Variants in SHISA5 observed in about 807,000 individuals in gnomAD.
SHISA5 encodes the protein shisa family member 5.
SHISA5 carries 21 observed loss-of-function variants against 27.5 expected under a neutral mutation model. That is an observed-to-expected ratio of 0.76 (90% CI 0.54 to 1.10). The LOEUF (loss-of-function observed/expected upper bound fraction) is 1.10. Ranked by LOEUF, SHISA5 falls within the 50% of genes least tolerant of loss-of-function variation. The pLI, the probability that SHISA5 is intolerant of heterozygous loss-of-function variation, is 0.00. For synonymous variants in SHISA5, 137 were observed against 142.2 expected (o/e 0.96, Z 0.26); for missense variants, 314 against 336.3 (o/e 0.93, Z 0.52).
At chr3:48,484,404 T>C (rs1313606542) in intron 2 of SHISA5, among the ~76,000 whole-genome samples, 1 of 152,030 alleles carries the variant, frequency 6.6e-6, no homozygotes, top group Non-Finnish European at 1.5e-5. Context: ...GAGACCAGCC[T>C]GGCCAACATG....
At chr3:48,478,388 G>A (rs1166854571) in intron 3 of SHISA5, among the ~76,000 whole-genome samples, 1 of 152,160 alleles carries the variant, frequency 6.6e-6, no homozygotes, top group African/African-American at 2.4e-5. Flanking sequence ...CAGAGCCCAA[G>A]GTCTCTTCCT....
At position 48,469,439 on chromosome 3, in the gene SHISA5, C is replaced by G; in HGVS notation, c.565G>C (p.Ala189Pro). 1.2e-6 allele frequency: 2 copies of G among 1,613,294 alleles called. No homozygotes were observed. The highest frequency in any genetic ancestry group is 1.7e-6 in the Non-Finnish European group (2 of 1,179,650). Residue 189 changes from alanine to proline, a missense_variant, in exon 5 of 6, where the codon GCA becomes CCA. Ala to Pro is a conservative substitution (Grantham distance 27). Coordinates refer to ENST00000296444, the MANE Select transcript of SHISA5 (RefSeq NM_016479.6). The surrounding 1 kb of genome is among the most constrained non-coding windows in gnomAD (Gnocchi z 4.6). Reference protein sequence around the residue: ...TMPPQPGMPAAPYPMQYPPPY... With the variant: ...TMPPQPGMPAPPYPMQYPPPY... ...GGTGGGTACTGCATTGGGTAGGGTG[C>G]TGCTGGCATCCCTGGCTGAGGCGGC...
intron 2 of SHISA5, 148 bp from the exon 3 acceptor site, chr3:48,479,405 G>A (rs1408288099): frequency 1.5e-5 from 10 of 669,246 alleles, no homozygotes; most frequent in South Asian, 5.3e-5. Context: ...TGCCCACACC[G>A]GGATCTCATA....
intron 1 of SHISA5, 22 bp downstream of exon 1, chr3:48,503,997 G>T (rs750355350): frequency 9.6e-6 from 14 of 1,457,886 alleles, no homozygotes; most frequent in Non-Finnish European, 1.3e-5. Flanking sequence ...GGCAGGACGG[G>T]CCGCCCCCAC....
At chr3:48,483,599 T>C (rs1196862898) in intron 2 of SHISA5, among the ~76,000 whole-genome samples, 1 of 152,112 alleles carries the variant, frequency 6.6e-6, no homozygotes, top group Admixed American at 6.5e-5. Context: ...CAATGAGCTG[T>C]TCGGTACACC....
Position 48,468,163 on chromosome 3 carries a change from G to T in SHISA5, c.*944C>A. On this transcript the variant is annotated 3_prime_UTR_variant, in exon 6 of 6. Transcript: ENST00000296444. ...AGCAGGGACTCACAGTTGCCAGGTTGTCCATCTCTGAGCCAATTTCCCTCC... is the reference window on the plus strand; with the variant it reads ...AGCAGGGACTCACAGTTGCCAGGTTTTCCATCTCTGAGCCAATTTCCCTCC... The T allele has an allele frequency of 1.0e-6, 1 of 1,000,386 alleles. No homozygotes were observed. Among genetic ancestry groups the T allele is most frequent in the Non-Finnish European group, 1.2e-6 (1 of 837,784 alleles). 62.0% of individuals were successfully genotyped at this position (1,000,386 alleles called of 1,614,324 possible).
At position 48,474,098 on chromosome 3, in the gene SHISA5, A is replaced by AT. The variant is rs1006022370; in HGVS notation, c.315-4256dup. 1.8e-4 allele frequency among the ~76,000 whole-genome samples: 27 copies of AT among 150,950 alleles called. No homozygotes were observed. The East Asian group carries it at 5.1e-3, about 28-fold the overall frequency. On this transcript the variant is annotated intron_variant, in intron 3 of 5. Coordinates refer to ENST00000296444, the MANE Select transcript of SHISA5 (RefSeq NM_016479.6). ...CAATAAAGGAAATTTTATTATTATT[A>AT]TTTTTTTGAGGCAGGGTCTCACTCT... is the stretch of plus-strand genomic sequence containing the variant.
chr3:48,468,940 A>G lies in SHISA5; in HGVS notation c.*167T>C. Reference sequence around the variant, plus strand: ...AAGGATTGTTCCCCACCTTGTCAGCATCAGAGGAAGCCACATATACAGGCA... The same window carrying G: ...AAGGATTGTTCCCCACCTTGTCAGCGTCAGAGGAAGCCACATATACAGGCA... On this transcript the variant is annotated 3_prime_UTR_variant, in exon 6 of 6. Coordinates refer to ENST00000296444, the MANE Select transcript of SHISA5 (RefSeq NM_016479.6). 1.3e-6 allele frequency: 2 copies of G among 1,559,352 alleles called. No homozygotes were observed. Among genetic ancestry groups the G allele is most frequent in the South Asian group, 1.2e-5 (1 of 86,526 alleles).
chr3:48,497,803 T>C (rs2041603243), intron 2 of SHISA5, among the ~76,000 whole-genome samples: 1 of 151,376 alleles, frequency 6.6e-6, no homozygotes, highest in Non-Finnish European at 1.5e-5. Context: ...TAGGAGGATA[T>C]GCTTCAGCCC....
At chr3:48,476,341 CAAAA>C (rs1250491645) in intron 3 of SHISA5, among the ~76,000 whole-genome samples, 1 of 62,320 alleles carries the variant, frequency 1.6e-5, no homozygotes, top group Admixed American at 1.9e-4. Flanking sequence ...AACTCCATCT[CAAAA>C]AAAAAAAAAA....
chr3:48,486,949 G>C (rs1195776845), intron 2 of SHISA5, among the ~76,000 whole-genome samples: 1 of 149,746 alleles, frequency 6.7e-6, no homozygotes, highest in South Asian at 2.1e-4. Flanking sequence ...GAAAAGAAAA[G>C]AAAAACCCAC....
chr3:48,472,353 G>A (rs1461582097), intron 3 of SHISA5, among the ~76,000 whole-genome samples: 1 of 151,748 alleles, frequency 6.6e-6, no homozygotes, highest in Non-Finnish European at 1.5e-5. Context: ...AGAATTAGCC[G>A]GGCGTGGTGG....
At chr3:48,494,223 G>A (rs991863830) in intron 2 of SHISA5, among the ~76,000 whole-genome samples, 9 of 146,204 alleles carry the variant, frequency 6.2e-5, no homozygotes, top group East Asian at 5.8e-4. Context: ...GTCTTTCTGC[G>A]CCTAGCTTAT....
In SHISA5 at chr3:48,494,736, TA is replaced by T. The variant is rs1447958681; in HGVS notation, c.233+6400del. On this transcript the variant is annotated intron_variant, in intron 2 of 5. Transcript: ENST00000296444. ...GCTGCAATGAACAAGGGAGAGCAGG[TA>T]TCTCTTTGGGGTATGGATTTCATAT... Among the ~76,000 whole-genome samples the T allele has an allele frequency of 2.0e-5, 3 of 147,736 alleles. 1 individual carries two copies. The highest frequency in any genetic ancestry group is 5.3e-5 in the African/African-American group (2 of 37,466).
chr3:48,471,894 A>G (rs544922415), intron 3 of SHISA5, among the ~76,000 whole-genome samples: 132 of 152,160 alleles, frequency 8.7e-4, no homozygotes, highest in African/African-American at 2.9e-3. Flanking sequence ...AAGTAAATAA[A>G]TAAAAAATAA....
chr3:48,477,041 C>T (rs1478322039), intron 3 of SHISA5: 1 of 451,792 alleles, frequency 2.2e-6, no homozygotes, highest in South Asian at 1.6e-5. Flanking sequence ...CTCCTATGCC[C>T]CTCTGGGAGC....
intron 2 of SHISA5, among the ~76,000 whole-genome samples, chr3:48,481,610 G>A (rs1385005049): frequency 2.6e-5 from 4 of 151,456 alleles, no homozygotes; most frequent in South Asian, 2.1e-4. Flanking sequence ...CCAACGTGGC[G>A]AAACCCCATC....
In SHISA5 at chr3:48,469,697, G is replaced by C. The variant is rs1274352138; in HGVS notation, c.430+31C>G. ...GTCAGCTTCCCTTACCACCCCAGGG[G>C]GTCACAGTGGGGCAGGGTGGGCACG... On this transcript the variant is annotated intron_variant, in intron 4 of 5. Coordinates refer to ENST00000296444, the MANE Select transcript of SHISA5 (RefSeq NM_016479.6). This position sits in a 1 kb window ranked among gnomAD's most constrained non-coding sequence, Gnocchi z 4.6. 1 of 1,612,870 alleles carries C rather than the reference G, an allele frequency of 6.2e-7. No individual in the cohort carries two copies. The highest frequency in any genetic ancestry group is 1.1e-5 in the South Asian group (1 of 90,936).
Position 48,468,659 on chromosome 3 carries a change from C to T in SHISA5, c.*448G>A, listed in dbSNP as rs2040450778. ...GACGAGCCATGGCCTCAAGCAGCAGCTGGCTACGCTGCCGAAACCAGGACA... is the reference window on the plus strand; with the variant it reads ...GACGAGCCATGGCCTCAAGCAGCAGTTGGCTACGCTGCCGAAACCAGGACA... On this transcript the variant is annotated 3_prime_UTR_variant, in exon 6 of 6. Coordinates refer to ENST00000296444, the MANE Select transcript of SHISA5 (RefSeq NM_016479.6). 2 of 1,209,692 alleles carry T rather than the reference C, an allele frequency of 1.7e-6. No homozygotes were observed. The highest frequency in any genetic ancestry group is 6.6e-5 in the Admixed American group (2 of 30,462). The allele number at this position is 1,209,692 out of a possible 1,614,324, so 74.9% of individuals were successfully genotyped here.
Sources: gnomAD v4.1 joint callset for allele counts (sites outside exome capture counted in the v4.1 genomes callset) on GRCh38, gnomAD v4.1.1 for gene constraint, Gnocchi (gnomAD v3.1) non-coding constraint, MANE v1.5 for transcripts, NCBI Gene and HGNC (gene_info 2026-07-23, HGNC 2026-07-21) for gene names.